Variants in DNAJB1 observed in about 807,000 individuals in gnomAD.
The protein encoded by DNAJB1 is DnaJ heat shock protein family (Hsp40) member B1.
DNAJB1 carries 14 observed loss-of-function variants against 24.0 expected under a neutral mutation model. That is an observed-to-expected ratio of 0.58 (90% CI 0.39 to 0.91). The LOEUF (loss-of-function observed/expected upper bound fraction) is 0.91. DNAJB1 is among the 40% of genes least tolerant of loss of function. The pLI is 0.00. For missense variants in DNAJB1, 517 were observed against 458.1 expected (o/e 1.13, Z -1.17); for synonymous variants, 262 against 174.4 (o/e 1.50, Z -3.96).
chr19:14,535,506 CAAAAAAAAAAAAAAAA>C (rs1172079027), intron 1 of DNAJB1, among the ~76,000 whole-genome samples: 211 of 17,172 alleles, frequency 0.012, 13 homozygotes, highest in African/African-American at 0.049. Flanking sequence ...GACTCCGTCT[CAAAAAAAAAAAAAAAA>C]AAAAAAAAAA....
At chr19:14,529,441 T>G, upstream of DNAJB1, 1 of 624,948 alleles carries the variant, frequency 1.6e-6, no homozygotes, top group Non-Finnish European at 2.9e-6. Flanking sequence ...CCCCTTCGAT[T>G]GGTCTCGCAA....
intron 1 of DNAJB1, among the ~76,000 whole-genome samples, chr19:14,538,954 T>C (rs909215366): frequency 6.6e-6 from 1 of 150,772 alleles, no homozygotes; most frequent in African/African-American, 2.4e-5. Flanking sequence ...TTTGATATAA[T>C]GTCACACACC....
chr19:14,549,581 C>T (rs1192053695), intron 1 of DNAJB1, among the ~76,000 whole-genome samples: 1 of 152,006 alleles, frequency 6.6e-6, no homozygotes, highest in Non-Finnish European at 1.5e-5. Flanking sequence ...CCTGCCCTGG[C>T]CTCCCAAAGT....
intron 1 of DNAJB1, among the ~76,000 whole-genome samples, chr19:14,537,795 G>A (rs1310429122): frequency 6.8e-6 from 1 of 146,162 alleles, no homozygotes; most frequent in Non-Finnish European, 1.5e-5. Context: ...CCCCTAGGCT[G>A]GGGTGCAATG....
chr19:14,538,159 G>A (rs1348587450), intron 1 of DNAJB1, among the ~76,000 whole-genome samples: 2 of 152,184 alleles, frequency 1.3e-5, no homozygotes, highest in Non-Finnish European at 2.9e-5. Context: ...AAAGTGAAGC[G>A]ACTTGTCCAC....
chr19:14,516,432 C>G, intron 2 of DNAJB1, 34 bp downstream of exon 2: 1 of 1,592,386 alleles, frequency 6.3e-7, no homozygotes, highest in Non-Finnish European at 8.6e-7. Context: ...GCAGCCATCG[C>G]CCTCTACAGA....
At chr19:14,554,786 CTT>C (rs901811169), upstream of DNAJB1, among the ~76,000 whole-genome samples, 1 of 147,172 alleles carries the variant, frequency 6.8e-6, no homozygotes. Flanking sequence ...CTGCCTTGTG[CTT>C]TTTTTTTTTG....
At chr19:14,521,380 A>G (rs2072357336), upstream of DNAJB1, among the ~76,000 whole-genome samples, 1 of 151,800 alleles carries the variant, frequency 6.6e-6, no homozygotes. Flanking sequence ...ACTCGCTTCA[A>G]CCCGAGAGGC....
chr19:14,529,303 T>C, exon 1 of DNAJB1: 3 of 392,442 alleles, frequency 7.6e-6, no homozygotes, highest in South Asian at 7.1e-5. Context: ...GGCCTAACCG[T>C]CGCTTACCTT....
upstream of DNAJB1, among the ~76,000 whole-genome samples, chr19:14,519,639 T>C (rs573422536): frequency 1.5e-4 from 23 of 152,312 alleles, 1 homozygote; most frequent in South Asian, 3.9e-3. Context: ...CAGTCTGACA[T>C]CGCCACCTGG....
chr19:14,541,362 C>T (rs1423748097), intron 1 of DNAJB1, among the ~76,000 whole-genome samples: 2 of 152,198 alleles, frequency 1.3e-5, no homozygotes, highest in African/African-American at 4.8e-5. Context: ...TCTCAACCCT[C>T]CTGGCACAGC....
At chr19:14,517,085 G>A (rs371269396) in intron 1 of DNAJB1, 39 bp from the exon 2 acceptor site, 5 of 1,558,466 alleles carry the variant, frequency 3.2e-6, no homozygotes, top group Non-Finnish European at 3.5e-6. Flanking sequence ...TGGCTGAACA[G>A]CAGACTCTCT....
At chr19:14,554,629 G>A (rs2073654330), upstream of DNAJB1, among the ~76,000 whole-genome samples, 1 of 152,158 alleles carries the variant, frequency 6.6e-6, no homozygotes, top group Non-Finnish European at 1.5e-5. Context: ...GGATGAGCAG[G>A]AATTGCAGGC....
chr19:14,553,713 G>A (rs1019416407), upstream of DNAJB1, among the ~76,000 whole-genome samples: 1 of 151,968 alleles, frequency 6.6e-6, no homozygotes, highest in African/African-American at 2.4e-5. Context: ...TGGGGGCGAG[G>A]TGATGGGGGC....
At chr19:14,524,889 A>G (rs892775946) in intron 2 of DNAJB1, among the ~76,000 whole-genome samples, 1 of 148,504 alleles carries the variant, frequency 6.7e-6, no homozygotes, top group African/African-American at 2.5e-5. Flanking sequence ...ATATGAGCCA[A>G]CAATCCCACT....
intron 1 of DNAJB1, among the ~76,000 whole-genome samples, chr19:14,548,334 C>A (rs1363654101): frequency 6.6e-6 from 1 of 152,122 alleles, no homozygotes; most frequent in Non-Finnish European, 1.5e-5. Context: ...CATTTCCCCA[C>A]CCCCTTGGTG....
At chr19:14,535,031 G>C (rs2072812298) in intron 1 of DNAJB1, among the ~76,000 whole-genome samples, 1 of 152,068 alleles carries the variant, frequency 6.6e-6, no homozygotes, top group Non-Finnish European at 1.5e-5. Context: ...GTCTTTCTCT[G>C]CCCTAAAATC....
At chr19:14,534,065 C>T (rs2072770942), upstream of DNAJB1, 1 of 152,014 alleles carries the variant, frequency 6.6e-6, no homozygotes. Context: ...CCATTTCCCG[C>T]AGCTGAATAC....
intron 1 of DNAJB1, among the ~76,000 whole-genome samples, chr19:14,538,593 C>T (rs1024024854): frequency 3.3e-5 from 5 of 149,876 alleles, no homozygotes; most frequent in Middle Eastern, 3.4e-3. Context: ...AGTGCAGTGG[C>T]GTAATCTTGG....
Sources: allele counts gnomAD v4.1 joint callset (sites outside exome capture counted in the v4.1 genomes callset), GRCh38; gene constraint gnomAD v4.1.1; transcripts MANE v1.5; gene names NCBI Gene and HGNC (gene_info 2026-07-23, HGNC 2026-07-21).